Variants in GLCCI1 observed in about 807,000 individuals in gnomAD.
The protein encoded by GLCCI1 is glucocorticoid induced 1.
Under a neutral mutation model 52.2 loss-of-function variants are expected in GLCCI1, and 24 were observed. That is an observed-to-expected ratio of 0.46 (90% confidence interval 0.33 to 0.65). The LOEUF (loss-of-function observed/expected upper bound fraction) is 0.65. Ranked by LOEUF, GLCCI1 falls within the 30% of genes least tolerant of loss-of-function variation. The pLI, the probability that GLCCI1 is intolerant of heterozygous loss-of-function variation, is 0.02. For missense variants in GLCCI1, 704 were observed against 701.5 expected (o/e 1.00, Z -0.04); for synonymous variants, 310 against 276.5 (o/e 1.12, Z -1.20).
At chr7:8,015,676 T>A (rs192494515) in intron 2 of GLCCI1, among the ~76,000 whole-genome samples, 433 of 152,332 alleles carry the variant, frequency 2.8e-3, no homozygotes, top group Non-Finnish European at 5.1e-3. Context: ...GCTAAAGGAA[T>A]ATACTCAGTT....
chr7:8,031,894 TAAAAC>T (rs1261046798), intron 3 of GLCCI1, among the ~76,000 whole-genome samples: 2 of 151,960 alleles, frequency 1.3e-5, no homozygotes, highest in Non-Finnish European at 2.9e-5. Flanking sequence ...AAAAGGAACT[TAAAAC>T]AATCATAAGG....
intron 1 of GLCCI1, among the ~76,000 whole-genome samples, chr7:7,979,932 TTCTG>T (rs1272214289): frequency 1.3e-5 from 2 of 152,146 alleles, no homozygotes; most frequent in Admixed American, 6.6e-5. Context: ...TTCTTTATCT[TTCTG>T]TCTTTCTGTC....
At chr7:8,066,657 G>A (rs1782638044) in intron 5 of GLCCI1, among the ~76,000 whole-genome samples, 1 of 151,828 alleles carries the variant, frequency 6.6e-6, no homozygotes, top group African/African-American at 2.4e-5. Flanking sequence ...CCATTCAGGA[G>A]CAGGTTGTTT....
intron 3 of GLCCI1, among the ~76,000 whole-genome samples, chr7:8,054,182 A>G (rs1782332342): frequency 1.3e-5 from 2 of 152,040 alleles, no homozygotes; most frequent in South Asian, 4.1e-4. Flanking sequence ...TTGAAATCCT[A>G]TTTCTTTTTT....
chr7:8,071,235 C>T, intron 6 of GLCCI1, 104 bp downstream of exon 6: 1 of 899,224 alleles, frequency 1.1e-6, no homozygotes, highest in South Asian at 1.7e-5. Context: ...TCAATGGTGA[C>T]ATTGTCAAAG....
At chr7:7,998,283 C>G (rs1167361505) in intron 1 of GLCCI1, among the ~76,000 whole-genome samples, 1 of 151,578 alleles carries the variant, frequency 6.6e-6, no homozygotes, top group Non-Finnish European at 1.5e-5. Flanking sequence ...GTGGCGTGAT[C>G]TTGGCTCACT....
chr7:8,011,027 G>C (rs1392230558), intron 2 of GLCCI1, among the ~76,000 whole-genome samples: 1 of 151,926 alleles, frequency 6.6e-6, no homozygotes, highest in African/African-American at 2.4e-5. Context: ...GCTGAGGCAA[G>C]AGAATCGCTT....
At chr7:8,014,564 A>G (rs528565231) in intron 2 of GLCCI1, among the ~76,000 whole-genome samples, 1 of 152,228 alleles carries the variant, frequency 6.6e-6, no homozygotes, top group South Asian at 2.1e-4. Flanking sequence ...GTATTTTTAC[A>G]CTTGCTTCAT....
intron 3 of GLCCI1, among the ~76,000 whole-genome samples, chr7:8,035,876 A>C (rs1332169302): frequency 6.6e-6 from 1 of 151,926 alleles, no homozygotes; most frequent in Non-Finnish European, 1.5e-5. Flanking sequence ...TCCTCTCACC[A>C]CCCGCTTCAG....
chr7:7,990,879 A>G (rs886510495), intron 1 of GLCCI1, among the ~76,000 whole-genome samples: 1 of 152,112 alleles, frequency 6.6e-6, no homozygotes, highest in African/African-American at 2.4e-5. Flanking sequence ...TACTCTAGAA[A>G]AGTGTAGCTA....
chr7:8,061,515 T>C (rs759093933), intron 5 of GLCCI1, among the ~76,000 whole-genome samples: 2 of 152,208 alleles, frequency 1.3e-5, no homozygotes, highest in Non-Finnish European at 2.9e-5. Context: ...AAAATCTTGA[T>C]GAATATTGCC....
At chr7:7,992,336 G>A (rs1396012367) in intron 1 of GLCCI1, among the ~76,000 whole-genome samples, 2 of 151,904 alleles carry the variant, frequency 1.3e-5, no homozygotes, top group Non-Finnish European at 2.9e-5. Context: ...CTCCTTCAAA[G>A]GTGCTGGCTC....
intron 3 of GLCCI1, among the ~76,000 whole-genome samples, chr7:8,049,297 C>T (rs528175378): frequency 1.2e-4 from 19 of 152,212 alleles, no homozygotes; most frequent in African/African-American, 4.6e-4. Context: ...CCCTAACATT[C>T]TGTTCATTCT....
At chr7:7,986,629 GTCATGTGTTTTAAAGAT>G (rs1283296244) in intron 1 of GLCCI1, among the ~76,000 whole-genome samples, 2 of 152,200 alleles carry the variant, frequency 1.3e-5, no homozygotes, top group African/African-American at 4.8e-5. Flanking sequence ...GCAAGTTTGA[GTCATGTGTTTTAAAGAT>G]TCATATGTAA....
At chr7:8,070,335 A>G (rs1221213480) in intron 5 of GLCCI1, 1 of 152,248 alleles carries the variant, frequency 6.6e-6, no homozygotes, top group Non-Finnish European at 1.5e-5. Context: ...TTCTTCTAAT[A>G]TTAGAATTCT....
intron 1 of GLCCI1, among the ~76,000 whole-genome samples, chr7:7,998,890 C>A (rs1467384842): frequency 1.3e-5 from 2 of 151,788 alleles, no homozygotes; most frequent in Non-Finnish European, 2.9e-5. Flanking sequence ...TAGGTTGTTG[C>A]CCCCCAAAAT....
At position 7,969,776 on chromosome 7, in the gene GLCCI1, G is replaced by C; in HGVS notation, c.426G>C (p.Glu142Asp). ...PESHRRSSSP[E>D]RRSPGSPVCR... ...GCCACCGGAGGAGCAGCTCACCTGA[G>C]AGACGGAGCCCCGGCTCGCCCGTGT... Residue 142 changes from glutamate to aspartate, a missense_variant, in exon 1 of 8, where the codon GAG (glutamate) becomes GAC (aspartate). Transcript: ENST00000223145. This position sits in a 1 kb window ranked among gnomAD's most constrained non-coding sequence, Gnocchi z 4.9. 1.3e-6 allele frequency: 2 copies of C among 1,485,474 alleles called. No individual in the cohort carries two copies. Among genetic ancestry groups the C allele is most frequent in the Non-Finnish European group, 1.8e-6 (2 of 1,122,236 alleles). The allele number at this position is 1,485,474 out of a possible 1,614,324, so 92.0% of individuals were successfully genotyped here.
intron 3 of GLCCI1, among the ~76,000 whole-genome samples, chr7:8,025,053 G>A (rs1781584033): frequency 6.6e-6 from 1 of 152,188 alleles, no homozygotes; most frequent in Admixed American, 6.5e-5. Context: ...GCCAGCAGTA[G>A]GCTCATGAAC....
chr7:8,016,864 T>C (rs78853967), intron 2 of GLCCI1, among the ~76,000 whole-genome samples: 2,445 of 152,274 alleles, frequency 0.016, 57 homozygotes, highest in East Asian at 0.084. Flanking sequence ...TAATATGGAA[T>C]TAAGTGGACA....
Sources: allele counts gnomAD v4.1 joint callset (sites outside exome capture counted in the v4.1 genomes callset), GRCh38; gene constraint gnomAD v4.1.1; non-coding constraint Gnocchi (gnomAD v3.1); transcripts MANE v1.5; gene names NCBI Gene and HGNC (gene_info 2026-07-23, HGNC 2026-07-21).